The following HIPK1 variants were observed in gnomAD, a reference collection of about 807,000 sequenced individuals.
HIPK1 encodes homeodomain interacting protein kinase 1, also known as homeodomain-interacting protein kinase 1.
HIPK1 carries 28 observed loss-of-function variants against 117.1 expected under a neutral mutation model. That is an observed-to-expected ratio of 0.24 (90% confidence interval 0.18 to 0.33). HIPK1 has a LOEUF of 0.33. Among genes scored for constraint, HIPK1 ranks in the 10% least tolerant of loss-of-function variants. HIPK1 has a pLI of 1.00. For synonymous variants in HIPK1, 605 were observed against 562.5 expected, an observed-to-expected ratio of 1.08 and a Z score of -1.07; for missense variants, 1,122 against 1,475.1, an observed-to-expected ratio of 0.76 and a Z score of 3.92.
intron 1 of HIPK1, 114 bp downstream of exon 1, chr1:113,929,646 G>T: frequency 9.8e-7 from 1 of 1,018,194 alleles, no homozygotes; most frequent in Non-Finnish European, 1.3e-6. Context: ...GGCGGCTGCG[G>T]AGCAAGGGGC....
chr1:113,938,929 T>TACACACACACACACACACACAC (rs55979020), intron 1 of HIPK1, among the ~76,000 whole-genome samples: 28 of 115,502 alleles, frequency 2.4e-4, no homozygotes, highest in Non-Finnish European at 2.9e-4. Context: ...AAAAAAAAAA[T>TACACACACACACACACACACAC]ACACACACAC....
At position 113,958,090 on chromosome 1, in the gene HIPK1, A is replaced by C. The variant is rs1371947581; in HGVS notation, c.1780A>C (p.Thr594Pro). The C allele has an allele frequency of 6.2e-7, 1 of 1,614,006 alleles. No individual in the cohort carries two copies. The highest frequency in any genetic ancestry group is 1.1e-5 in the South Asian group (1 of 91,078). Residue 594 changes from threonine (T) to proline (P), a missense_variant, in exon 8 of 16, where the codon ACT (threonine) becomes CCT (proline). Thr to Pro is a conservative substitution (Grantham distance 38). Transcript: ENST00000426820. Reference protein sequence around the residue: ...NQASVLASSSTAAAATLSLAN... With the variant: ...NQASVLASSSPAAAATLSLAN... ...GGCCAGTGTTCTAGCTTCCAGTTCT[A>C]CTGCAGCAGCTGCTACTCTTTCTCT...
chr1:113,929,760 A>T (rs1669714164), intron 1 of HIPK1: 1 of 800,224 alleles, frequency 1.2e-6, no homozygotes. Context: ...AGCGGGAGGG[A>T]GGCTGAGGAG....
chr1:113,948,982 C>T (rs999659448), intron 2 of HIPK1, among the ~76,000 whole-genome samples: 6 of 152,104 alleles, frequency 3.9e-5, no homozygotes, highest in South Asian at 2.1e-4. Context: ...GGATTACAGG[C>T]GCCTGCCACC....
At chr1:113,929,752 C>G in intron 1 of HIPK1, 1 of 810,322 alleles carries the variant, frequency 1.2e-6, no homozygotes, top group Non-Finnish European at 1.5e-6. Flanking sequence ...GGTGGTGGAG[C>G]GGGAGGGAGG....
In HIPK1 at chr1:113,957,007, ATTTAT is replaced by A. The variant is rs1355923698; in HGVS notation, c.1593-111_1593-107del. On this transcript the variant is annotated intron_variant, in intron 6 of 15. Coordinates refer to ENST00000426820, the MANE Select transcript of HIPK1 (RefSeq NM_198268.3). Reference sequence around the variant, plus strand: ...TTCCCTATGATTATACAAATTCTTGATTTATTTTATCTGAAAGTGATTGGGAAAAA... The same window carrying A: ...TTCCCTATGATTATACAAATTCTTGATTTATCTGAAAGTGATTGGGAAAAA... The A allele has an allele frequency of 1.2e-5, 11 of 944,352 alleles. No individual in the cohort carries two copies. In the Middle Eastern group the frequency reaches 1.1e-3, roughly 96 times the overall value. 58.5% of individuals were successfully genotyped at this position (944,352 alleles called of 1,614,324 possible).
Position 113,957,101 on chromosome 1 carries a change from T to C in HIPK1, c.1593-23T>C, listed in dbSNP as rs776742775. ...TGTTTAAATCTCAGCATTCATTTAA[T>C]GAATCTTTAATCTCCTTTTCAGTGT... is the stretch of plus-strand genomic sequence containing the variant. On this transcript the variant is annotated intron_variant, in intron 6 of 15. Coordinates refer to ENST00000426820, the MANE Select transcript of HIPK1 (RefSeq NM_198268.3). 4.4e-6 allele frequency: 7 copies of C among 1,590,742 alleles called. No homozygotes were observed. The Admixed American group carries it at 1.0e-4, about 23-fold the overall frequency.
chr1:113,968,304 C>T (rs1672588489), intron 12 of HIPK1, 138 bp from the exon 13 acceptor site: 2 of 689,634 alleles, frequency 2.9e-6, no homozygotes, highest in East Asian at 5.3e-5. Flanking sequence ...TTCACTGGAA[C>T]TTATATAGTT....
chr1:113,972,924 C>T (rs766468571), intron 15 of HIPK1, 100 bp from the exon 16 acceptor site: 201 of 1,345,972 alleles, frequency 1.5e-4, no homozygotes, highest in Non-Finnish European at 1.9e-4. Flanking sequence ...TATACCCATT[C>T]GAAAACAGTA....
chr1:113,935,409 C>A (rs1014592032), intron 1 of HIPK1, among the ~76,000 whole-genome samples: 5 of 152,162 alleles, frequency 3.3e-5, no homozygotes, highest in Non-Finnish European at 5.9e-5. Flanking sequence ...ATATGTATCA[C>A]ATTTTCTTTA....
Position 113,940,674 on chromosome 1 carries a change from A to G in HIPK1, c.291A>G (p.Thr97=), listed in dbSNP as rs745406635. The change falls in exon 2 of 16, where the codon ACA becomes ACG. Residue 97 remains threonine, a synonymous_variant. Transcript: ENST00000426820. ...CTGATAGCTCGGGCAGTGCTGCTAC[A>G]TCAACCTTCCAAAGCAGCCAGACCC... is the stretch of plus-strand genomic sequence containing the variant. ...TAADSSGSAA[T]STFQSSQTLT... 3.1e-6 allele frequency: 5 copies of G among 1,614,122 alleles called. No homozygotes were observed. The highest frequency in any genetic ancestry group is 4.2e-6 in the Non-Finnish European group (5 of 1,180,062).
intron 9 of HIPK1, among the ~76,000 whole-genome samples, chr1:113,963,117 TAATA>T (rs1672230964): frequency 6.6e-6 from 1 of 152,206 alleles, no homozygotes; most frequent in African/African-American, 2.4e-5. Context: ...GAAGAATTCT[TAATA>T]AATGTCTCTG....
At chr1:113,967,347 G>A (rs1672519546) in intron 11 of HIPK1, among the ~76,000 whole-genome samples, 1 of 152,146 alleles carries the variant, frequency 6.6e-6, no homozygotes, top group Non-Finnish European at 1.5e-5. Flanking sequence ...TACCAACAGT[G>A]TACAATTGTT....
At chr1:113,944,679 C>T (rs1277148503) in intron 2 of HIPK1, among the ~76,000 whole-genome samples, 11 of 150,654 alleles carry the variant, frequency 7.3e-5, no homozygotes, top group Non-Finnish European at 1.6e-4. Context: ...AGGGTTTCAC[C>T]ATGTTGGCCG....
intron 1 of HIPK1, among the ~76,000 whole-genome samples, chr1:113,935,310 T>G (rs1040893086): frequency 1.3e-5 from 2 of 152,202 alleles, no homozygotes; most frequent in Non-Finnish European, 2.9e-5. Flanking sequence ...TTGTTTAGGA[T>G]AGTGGCCCTC....
intron 1 of HIPK1, among the ~76,000 whole-genome samples, chr1:113,936,032 C>G (rs1037046612): frequency 2.6e-5 from 4 of 152,164 alleles, no homozygotes; most frequent in Admixed American, 2.6e-4. Flanking sequence ...TATCCTGTGT[C>G]TAGAAATTGC....
chr1:113,935,234 G>A (rs903010636), intron 1 of HIPK1, among the ~76,000 whole-genome samples: 3 of 152,110 alleles, frequency 2.0e-5, no homozygotes, highest in Admixed American at 1.3e-4. Flanking sequence ...TTGTGTCCAT[G>A]TGTTCTCGTT....
chr1:113,960,707 A>C (rs1250276356), intron 8 of HIPK1, among the ~76,000 whole-genome samples: 1 of 152,190 alleles, frequency 6.6e-6, no homozygotes, highest in African/African-American at 2.4e-5. Context: ...ATGGCTGGCA[A>C]CTTTTTAATC....
chr1:113,952,707 G>A (rs960930623), intron 2 of HIPK1, 59 bp from the exon 3 acceptor site: 59 of 1,270,106 alleles, frequency 4.6e-5, no homozygotes, highest in African/African-American at 1.5e-5. Flanking sequence ...TAGTCATGTA[G>A]TTAATTTTCC....
Sources: allele counts gnomAD v4.1 joint callset (sites outside exome capture counted in the v4.1 genomes callset), GRCh38; gene constraint gnomAD v4.1.1; transcripts MANE v1.5; gene names NCBI Gene and HGNC (gene_info 2026-07-23, HGNC 2026-07-21).